The following CSGALNACT1 variants were observed in gnomAD, a reference collection of about 807,000 sequenced individuals.
CSGALNACT1 encodes the protein beta4GalNAcT-1.
CSGALNACT1 carries 52 observed loss-of-function variants against 51.0 expected under a neutral mutation model. That is an observed-to-expected ratio of 1.02 (90% confidence interval 0.82 to 1.29). CSGALNACT1 has a LOEUF of 1.29. Among genes scored for constraint, CSGALNACT1 ranks in the 50% most tolerant of loss-of-function variants. The pLI, the probability that CSGALNACT1 is intolerant of heterozygous loss-of-function variation, is 0.00. For missense variants in CSGALNACT1, 935 were observed against 679.2 expected (o/e 1.38, Z -4.19); for synonymous variants, 341 against 254.4 (o/e 1.34, Z -3.24).
intron 5 of CSGALNACT1, 89 bp downstream of exon 4, chr8:19,458,314 GAGAAAGGAGGCTTTGTACTCGGC>G: frequency 1.1e-6 from 1 of 941,194 alleles, no homozygotes; most frequent in Non-Finnish European, 1.8e-6. Context: ...AGCTGAATAA[GAGAAAGGAGGCTTTGTACTCGGC>G]AGGGGAAATG....
Position 19,458,539 on chromosome 8 carries a change from GC to G in CSGALNACT1, c.737del (p.Gly246AlafsTer4), listed in dbSNP as rs1310128058. 1 of 1,614,166 alleles carries G rather than the reference GC, an allele frequency of 6.2e-7. No individual in the cohort carries two copies. Among genetic ancestry groups the G allele is most frequent in the African/African-American group, 1.3e-5 (1 of 75,044 alleles). ...TTTCATTTTTCACTTTCATGATGGG[GC>G]CGAATGGTCGAAATAAGATGAGCCG... On this transcript the variant is annotated frameshift_variant, in exon 5 of 10. Coordinates refer to ENST00000454498, the Ensembl canonical transcript of CSGALNACT1. LOFTEE classifies it high-confidence loss of function.
chr8:19,741,112 A>G (rs1424540749), intron 1 of CSGALNACT1, among the ~76,000 whole-genome samples: 1 of 152,206 alleles, frequency 6.6e-6, no homozygotes, highest in African/African-American at 2.4e-5. Flanking sequence ...TTCTTAGACA[A>G]TTCTACAGTG....
intron 5 of CSGALNACT1, among the ~76,000 whole-genome samples, chr8:19,447,018 TTC>T (rs2062244251): frequency 6.6e-6 from 1 of 152,172 alleles, no homozygotes; most frequent in Non-Finnish European, 1.5e-5. Flanking sequence ...ACACCTATAT[TTC>T]TGTTTCCCAA....
Position 19,657,085 on chromosome 8 carries a change from AAAAC to A in CSGALNACT1, c.-544+25384_-544+25387del, listed in dbSNP as rs796291036. Reference sequence around the variant, plus strand: ...CTCATTAAAAAAAAAAAAAAAAAGGAAAACAAATAAAACCATGTAAAATAAGTAA... The same window carrying A: ...CTCATTAAAAAAAAAAAAAAAAAGGAAAATAAAACCATGTAAAATAAGTAA... On this transcript the variant is annotated intron_variant, in intron 1 of 9. Coordinates refer to the CSGALNACT1 transcript ENST00000332246. 1.9e-3 allele frequency among the ~76,000 whole-genome samples: 287 copies of A among 151,240 alleles called. 1 individual carries two copies. The highest frequency in any genetic ancestry group is 6.5e-3 in the African/African-American group (269 of 41,242).
chr8:19,406,623 T>TAAAA (rs33985548), intron 9 of CSGALNACT1, among the ~76,000 whole-genome samples: 18 of 72,170 alleles, frequency 2.5e-4, no homozygotes, highest in African/African-American at 8.2e-4. Context: ...AGAGGTTTCG[T>TAAAA]AAAAAAAAAA....
chr8:19,503,710 G>T (rs914513012), intron 4 of CSGALNACT1, among the ~76,000 whole-genome samples: 1 of 151,472 alleles, frequency 6.6e-6, no homozygotes, highest in Admixed American at 6.6e-5. Context: ...CTCTTACTGT[G>T]TGCTTACCAT....
chr8:19,669,935 G>A (rs1458951893), intron 1 of CSGALNACT1, among the ~76,000 whole-genome samples: 1 of 152,070 alleles, frequency 6.6e-6, no homozygotes, highest in Non-Finnish European at 1.5e-5. Context: ...GCAGTCCTGT[G>A]GACAAACAAC....
chr8:19,596,883 C>T (rs11204056), intron 2 of CSGALNACT1, among the ~76,000 whole-genome samples: 97,029 of 151,858 alleles, frequency 0.64, 32,845 homozygotes, highest in East Asian at 0.84. Flanking sequence ...AGTCCAGTAG[C>T]ATTAAATACA....
intron 3 of CSGALNACT1, among the ~76,000 whole-genome samples, chr8:19,579,812 T>C (rs745695692): frequency 1.3e-5 from 2 of 152,250 alleles, no homozygotes; most frequent in Non-Finnish European, 2.9e-5. Context: ...CCATATGTAT[T>C]GCAGTCATGG....
intron 1 of CSGALNACT1, among the ~76,000 whole-genome samples, chr8:19,720,743 C>T (rs1044422708): frequency 2.0e-5 from 3 of 152,196 alleles, no homozygotes; most frequent in Non-Finnish European, 2.9e-5. Flanking sequence ...TTTCCTCCAT[C>T]GCTCTCTGGA....
chr8:19,573,557 C>T (rs974566829), intron 3 of CSGALNACT1, among the ~76,000 whole-genome samples: 1 of 152,080 alleles, frequency 6.6e-6, no homozygotes, highest in African/African-American at 2.4e-5. Flanking sequence ...CATTCTCCTA[C>T]CTCAGCTTCC....
Position 19,449,258 on chromosome 8 carries a change from G to A in CSGALNACT1, c.851+9168C>T, listed in dbSNP as rs577634606. Among the ~76,000 whole-genome samples, 8 of 152,090 alleles carry A rather than the reference G, an allele frequency of 5.3e-5. No homozygotes were observed. The South Asian group carries it at 1.0e-3, about 20-fold the overall frequency. On this transcript the variant is annotated intron_variant, in intron 5 of 9. Transcript: ENST00000454498. The stretch of plus-strand genomic sequence containing the variant: ...TCTATTAAGTCTTCAAAGAGAAACC[G>A]TTATCTAAATACATGAATGATATAG...
intron 3 of CSGALNACT1, among the ~76,000 whole-genome samples, chr8:19,522,468 A>G (rs1256155342): frequency 6.6e-6 from 1 of 152,240 alleles, no homozygotes; most frequent in Non-Finnish European, 1.5e-5. Context: ...TGCCATTTAA[A>G]CTAAGTGGTA....
chr8:19,539,536 A>C (rs560389021), intron 3 of CSGALNACT1, among the ~76,000 whole-genome samples: 2 of 152,292 alleles, frequency 1.3e-5, no homozygotes, highest in East Asian at 3.9e-4. Context: ...CTTCTCTGAA[A>C]GTCATGAATA....
At chr8:19,540,563 G>A (rs991091817) in intron 3 of CSGALNACT1, among the ~76,000 whole-genome samples, 5 of 152,172 alleles carry the variant, frequency 3.3e-5, no homozygotes, top group Admixed American at 6.5e-5. Context: ...AGACTGGAAG[G>A]AAAAGCAACA....
chr8:19,679,222 T>A (rs768595066), intron 1 of CSGALNACT1, among the ~76,000 whole-genome samples: 1 of 152,036 alleles, frequency 6.6e-6, no homozygotes, highest in African/African-American at 2.4e-5. Context: ...GGAGGCCGAG[T>A]AACGTGGATC....
chr8:19,637,223 A>C (rs1318045619), intron 1 of CSGALNACT1, among the ~76,000 whole-genome samples: 1 of 152,134 alleles, frequency 6.6e-6, no homozygotes, highest in Non-Finnish European at 1.5e-5. Flanking sequence ...ATAAATAAAA[A>C]TAAAGTCTCA....
chr8:19,751,162 G>C (rs1168620353), intron 1 of CSGALNACT1, among the ~76,000 whole-genome samples: 3 of 152,160 alleles, frequency 2.0e-5, no homozygotes, highest in African/African-American at 7.2e-5. Context: ...GGAAAAGACA[G>C]CAAAGAAGTC....
intron 4 of CSGALNACT1, among the ~76,000 whole-genome samples, chr8:19,486,760 C>G (rs558985976): frequency 6.6e-6 from 1 of 152,284 alleles, no homozygotes; most frequent in African/African-American, 2.4e-5. Flanking sequence ...AGGGAATCCC[C>G]TTTACTCAGC....
Sources: gnomAD v4.1 joint callset for allele counts (sites outside exome capture counted in the v4.1 genomes callset) on GRCh38, gnomAD v4.1.1 for gene constraint, MANE v1.5 for transcripts, NCBI Gene and HGNC (gene_info 2026-07-23, HGNC 2026-07-21) for gene names.